Variants in TCP11L2 observed in about 807,000 individuals in gnomAD.
TCP11L2 encodes T-complex protein 11-like protein 2.
In TCP11L2, 39 loss-of-function variants were observed where a neutral mutation model predicts 50.7. The observed-to-expected ratio is 0.77, with a 90% confidence interval of 0.60 to 1.01. The LOEUF (loss-of-function observed/expected upper bound fraction) is 1.01. Ranked by LOEUF, TCP11L2 falls within the 50% of genes least tolerant of loss-of-function variation. The pLI, the probability that TCP11L2 is intolerant of heterozygous loss-of-function variation, is 0.00. For missense variants in TCP11L2, 612 were observed against 614.7 expected (o/e 1.00, Z 0.05); for synonymous variants, 192 against 219.3 (o/e 0.88, Z 1.10).
chr12:106,342,627 G>A (rs1472329664), intron 9 of TCP11L2, among the ~76,000 whole-genome samples: 1 of 152,198 alleles, frequency 6.6e-6, no homozygotes, highest in Non-Finnish European at 1.5e-5. Flanking sequence ...ATATTCTTGT[G>A]CAATGCTGCA....
intron 8 of TCP11L2, 112 bp from the exon 9 acceptor site, chr12:106,340,714 A>T: frequency 1.2e-6 from 1 of 833,236 alleles, no homozygotes; most frequent in Non-Finnish European, 1.8e-6. Flanking sequence ...AGAGGTTATT[A>T]TTGTCTGTAT....
intron 5 of TCP11L2, 107 bp from the exon 6 acceptor site, chr12:106,323,403 A>C: frequency 9.7e-7 from 1 of 1,027,556 alleles, no homozygotes; most frequent in Non-Finnish European, 1.3e-6. Context: ...GAACTTTAAA[A>C]CCATTTTGGG....
At chr12:106,312,492 A>C (rs1204267652) in intron 2 of TCP11L2, 19 of 968,982 alleles carry the variant, frequency 2.0e-5, no homozygotes, top group Non-Finnish European at 2.4e-5. Flanking sequence ...ATCTGACACC[A>C]GGGTACCTAG....
Position 106,327,192 on chromosome 12 carries a change from T to TC in TCP11L2, c.772+3552dup, listed in dbSNP as rs886760697. 2.6e-5 allele frequency among the ~76,000 whole-genome samples: 4 copies of TC among 152,242 alleles called. No homozygotes were observed. The South Asian group carries it at 6.2e-4, about 24-fold the overall frequency. On this transcript the variant is annotated intron_variant, in intron 6 of 9. Transcript: ENST00000299045. ...GTTTTTTTTCTTTCCTTCTTTTTTT[T>TC]CCCCCCTGTTTGTCTTTAAGAGACA...
chr12:106,342,400 G>A (rs997935408), intron 9 of TCP11L2, among the ~76,000 whole-genome samples: 1 of 152,154 alleles, frequency 6.6e-6, no homozygotes, highest in East Asian at 1.9e-4. Flanking sequence ...GTCACCTGTG[G>A]CCAAGCCCTT....
At chr12:106,331,972 G>A (rs959506954) in intron 6 of TCP11L2, among the ~76,000 whole-genome samples, 13 of 152,128 alleles carry the variant, frequency 8.5e-5, no homozygotes, top group African/African-American at 3.1e-4. Flanking sequence ...TCTTTGCACT[G>A]CAACTTATGT....
chr12:106,314,448 T>C lies in TCP11L2; in HGVS notation c.248T>C (p.Val83Ala). ...TTGACTCTTGCTCATGAGATTGCTGTAAATGAGAACTTTCAATTGAAACAA... is the reference window on the plus strand; with the variant it reads ...TTGACTCTTGCTCATGAGATTGCTGCAAATGAGAACTTTCAATTGAAACAA... ...SNLTLAHEIAVNENFQLKQEA... is the reference protein window; with the variant it reads ...SNLTLAHEIAANENFQLKQEA... The change falls in exon 3 of 10, where the codon GTA (valine) becomes GCA (alanine). Residue 83 changes from valine (V) to alanine (A), a missense_variant. By Grantham distance (64) the Val-to-Ala change is moderately conservative (BLOSUM62 0). Transcript: ENST00000299045. 1 of 1,613,726 alleles carries C rather than the reference T, an allele frequency of 6.2e-7. No individual in the cohort carries two copies. The highest frequency in any genetic ancestry group is 8.5e-7 in the Non-Finnish European group (1 of 1,179,810).
upstream of TCP11L2, among the ~76,000 whole-genome samples, chr12:106,301,618 A>G (rs2034416617): frequency 6.6e-6 from 1 of 152,220 alleles, no homozygotes; most frequent in African/African-American, 2.4e-5. Context: ...CACAATCCAG[A>G]CATAATTTCG....
Position 106,335,556 on chromosome 12 carries a change from C to T in TCP11L2, c.773-83C>T, listed in dbSNP as rs2035887039. 8.4e-6 allele frequency: 12 copies of T among 1,432,666 alleles called. 1 individual carries two copies. In the South Asian group the frequency reaches 1.6e-4, roughly 19 times the overall value. 88.7% of individuals were successfully genotyped at this position (1,432,666 alleles called of 1,614,324 possible). On this transcript the variant is annotated intron_variant, in intron 6 of 9. Coordinates refer to ENST00000299045, the MANE Select transcript of TCP11L2 (RefSeq NM_152772.3). ...GTGTCTTCTCATTCATGCCCAGCAC[C>T]CAACACAGCATCTGTCAAGTGGAAT... is the stretch of plus-strand genomic sequence containing the variant.
chr12:106,326,815 A>G (rs1391143808), intron 6 of TCP11L2, among the ~76,000 whole-genome samples: 1 of 152,182 alleles, frequency 6.6e-6, no homozygotes, highest in Non-Finnish European at 1.5e-5. Context: ...CATCTGGCAG[A>G]TTATTTAGTC....
At chr12:106,311,618 T>C (rs2034856535) in intron 2 of TCP11L2, among the ~76,000 whole-genome samples, 2 of 152,142 alleles carry the variant, frequency 1.3e-5, no homozygotes, top group Admixed American at 6.5e-5. Context: ...CTGGCCTTCA[T>C]TGAAAGGTCA....
Position 106,346,570 on chromosome 12 carries a change from C to T in TCP11L2, c.*40C>T. 6.3e-7 allele frequency: 1 copy of T among 1,582,836 alleles called. No individual in the cohort carries two copies. The highest frequency in any genetic ancestry group is 1.1e-5 in the South Asian group (1 of 87,126). ...TGGACGAGAGATTGGAAATCCAGTA[C>T]TTTGGTATCCAGTCCACTTCCATTG... On this transcript the variant is annotated 3_prime_UTR_variant, in exon 10 of 10. Transcript: ENST00000299045.
upstream of TCP11L2, among the ~76,000 whole-genome samples, chr12:106,299,409 A>G (rs1353819922): frequency 6.6e-6 from 1 of 152,234 alleles, no homozygotes; most frequent in African/African-American, 2.4e-5. Flanking sequence ...TAACCACTAG[A>G]CTCATATTCT....
chr12:106,298,052 T>C (rs1436891911), upstream of TCP11L2, among the ~76,000 whole-genome samples: 3 of 152,196 alleles, frequency 2.0e-5, no homozygotes, highest in Non-Finnish European at 4.4e-5. Context: ...GGTCAGGGAC[T>C]GGGCAGTGCC....
intron 1 of TCP11L2, among the ~76,000 whole-genome samples, chr12:106,307,004 G>A (rs1486281619): frequency 2.6e-5 from 4 of 152,176 alleles, no homozygotes; most frequent in African/African-American, 9.7e-5. Context: ...AGCTGCACAC[G>A]AGCTGAGGAA....
chr12:106,340,251 T>G (rs887011139), intron 8 of TCP11L2, among the ~76,000 whole-genome samples: 1 of 152,242 alleles, frequency 6.6e-6, no homozygotes, highest in Non-Finnish European at 1.5e-5. Flanking sequence ...TTTAATTACC[T>G]TTACAACTTT....
At position 106,346,724 on chromosome 12, in the gene TCP11L2, A is replaced by G. The variant is rs2036245283; in HGVS notation, c.*194A>G. On this transcript the variant is annotated 3_prime_UTR_variant, in exon 10 of 10. Transcript: ENST00000299045. ...GACCCTCAGAAGACGTAAACATCAC[A>G]TAGACCCTATTTGTGCATCATTTTC... is the stretch of plus-strand genomic sequence containing the variant. The G allele has an allele frequency of 1.8e-6, 1 of 554,158 alleles. No homozygotes were observed. The highest frequency in any genetic ancestry group is 4.0e-5 in the South Asian group (1 of 24,976). The allele number at this position is 554,158 out of a possible 1,614,324, so 34.3% of individuals were successfully genotyped here.
intron 9 of TCP11L2, among the ~76,000 whole-genome samples, chr12:106,346,027 T>G (rs1021736654): frequency 6.6e-6 from 1 of 152,148 alleles, no homozygotes; most frequent in Non-Finnish European, 1.5e-5. Context: ...GGCATGAAAC[T>G]GGTACTCTGG....
At chr12:106,327,469 T>A (rs1480506531) in intron 6 of TCP11L2, among the ~76,000 whole-genome samples, 1 of 152,194 alleles carries the variant, frequency 6.6e-6, no homozygotes, top group Non-Finnish European at 1.5e-5. Flanking sequence ...CATGAGCCAC[T>A]GCACCTGGCT....
Sources: gnomAD v4.1 joint callset for allele counts (sites outside exome capture counted in the v4.1 genomes callset) on GRCh38, gnomAD v4.1.1 for gene constraint, MANE v1.5 for transcripts, NCBI Gene and HGNC (gene_info 2026-07-23, HGNC 2026-07-21) for gene names.